Variants in DLGAP2 observed in about 807,000 individuals in gnomAD.
DLGAP2 encodes the protein DLG associated protein 2, also known as disks large-associated protein 2.
In DLGAP2, 26 loss-of-function variants were observed where a neutral mutation model predicts 100.3. That is an observed-to-expected ratio of 0.26 (90% CI 0.19 to 0.36). The LOEUF (loss-of-function observed/expected upper bound fraction) is 0.36, where lower values mean the gene tolerates loss of function less well. Ranked by LOEUF, DLGAP2 falls within the 10% of genes least tolerant of loss-of-function variation. The pLI is 1.00. For missense variants in DLGAP2, 1,858 were observed against 1,453.2 expected (o/e 1.28, Z -4.53); for synonymous variants, 886 against 630.1 (o/e 1.41, Z -6.08).
At chr8:894,654 G>A (rs13267001) in intron 1 of DLGAP2, among the ~76,000 whole-genome samples, 11,873 of 114,006 alleles carry the variant, frequency 0.1, 174 homozygotes, top group Non-Finnish European at 0.17. Flanking sequence ...GTGGAGTGGC[G>A]GCTGGCAGGG....
At chr8:1,355,208 C>T (rs1027123955) in intron 3 of DLGAP2, among the ~76,000 whole-genome samples, 3 of 152,250 alleles carry the variant, frequency 2.0e-5, no homozygotes, top group South Asian at 2.1e-4. Flanking sequence ...GTGGCACCCG[C>T]GTGCTGGCGT....
intron 1 of DLGAP2, among the ~76,000 whole-genome samples, chr8:867,680 C>A (rs1013905445): frequency 6.6e-6 from 1 of 152,174 alleles, no homozygotes; most frequent in African/African-American, 2.4e-5. Flanking sequence ...TAATGTGAGA[C>A]ATTGCTGTCA....
At chr8:1,677,529 A>G (rs1267499205) in intron 11 of DLGAP2, among the ~76,000 whole-genome samples, 1 of 152,172 alleles carries the variant, frequency 6.6e-6, no homozygotes, top group Non-Finnish European at 1.5e-5. Flanking sequence ...AGAGACACAC[A>G]CACACCACAC....
intron 3 of DLGAP2, among the ~76,000 whole-genome samples, chr8:1,421,082 A>C (rs1405102293): frequency 6.6e-6 from 1 of 152,220 alleles, no homozygotes; most frequent in East Asian, 1.9e-4. Context: ...CAATCTCTCC[A>C]ACAAGTCACT....
chr8:1,344,198 G>GTGGGTCCATGTATTCA (rs1563095215), intron 3 of DLGAP2, among the ~76,000 whole-genome samples: 3 of 119,620 alleles, frequency 2.5e-5, no homozygotes, highest in African/African-American at 3.0e-5. Context: ...CCGTGTACTC[G>GTGGGTCCATGTATTCA]GGGCCCTGTC....
At chr8:1,689,461 C>T (rs143024568) in intron 12 of DLGAP2, among the ~76,000 whole-genome samples, 1,655 of 152,342 alleles carry the variant, frequency 0.011, 14 homozygotes, top group Middle Eastern at 0.024. Flanking sequence ...GGCAAATCTC[C>T]AGGATAAATG....
intron 4 of DLGAP2, 32 bp from the exon 5 acceptor site, chr8:1,548,594 G>C: frequency 1.4e-6 from 2 of 1,454,442 alleles, no homozygotes; most frequent in Non-Finnish European, 1.8e-6. Context: ...CCGCGCTTCC[G>C]GGTGTTCAAT....
At chr8:979,564 G>A (rs922038697) in intron 2 of DLGAP2, among the ~76,000 whole-genome samples, 11 of 152,344 alleles carry the variant, frequency 7.2e-5, no homozygotes, top group African/African-American at 1.9e-4. Flanking sequence ...GTGTGGGCAG[G>A]TTTTGCACCT....
intron 2 of DLGAP2, among the ~76,000 whole-genome samples, chr8:1,161,613 G>A (rs768039903): frequency 4.6e-5 from 7 of 152,296 alleles, no homozygotes; most frequent in Non-Finnish European, 7.4e-5. Context: ...GATGAGACTC[G>A]GCCCTGGAGT....
At chr8:946,951 C>T (rs1001320718) in intron 2 of DLGAP2, among the ~76,000 whole-genome samples, 6 of 152,154 alleles carry the variant, frequency 3.9e-5, no homozygotes, top group East Asian at 1.9e-4. Flanking sequence ...GGTTGCGCAC[C>T]GGGCGAGGGC....
chr8:1,102,874 G>A (rs565118801), intron 2 of DLGAP2, among the ~76,000 whole-genome samples: 51 of 152,072 alleles, frequency 3.4e-4, no homozygotes, highest in African/African-American at 1.2e-3. Flanking sequence ...AGTCTCTGGG[G>A]TCTCTGGTTT....
chr8:1,647,840 G>A (rs925548231), intron 8 of DLGAP2, among the ~76,000 whole-genome samples: 7 of 152,162 alleles, frequency 4.6e-5, no homozygotes, highest in African/African-American at 1.7e-4. Flanking sequence ...TCTGGGGTCA[G>A]GGTGTCCAGT....
intron 2 of DLGAP2, among the ~76,000 whole-genome samples, chr8:956,736 C>G (rs796286841): frequency 1.1e-4 from 17 of 152,330 alleles, no homozygotes; most frequent in African/African-American, 3.1e-4. Flanking sequence ...AAGGGAAGCC[C>G]TCTCCAATCT....
intron 6 of DLGAP2, among the ~76,000 whole-genome samples, chr8:1,588,995 C>G (rs1275173593): frequency 6.6e-6 from 1 of 152,134 alleles, no homozygotes; most frequent in African/African-American, 2.4e-5. Flanking sequence ...CACACCTTCA[C>G]ATTCAGGTAT....
intron 3 of DLGAP2, among the ~76,000 whole-genome samples, chr8:1,475,361 T>C (rs1265450038): frequency 6.6e-6 from 1 of 152,096 alleles, no homozygotes; most frequent in Non-Finnish European, 1.5e-5. Flanking sequence ...TAGCTGTAAC[T>C]CTAACAGCAT....
At chr8:1,456,167 T>C (rs889968914) in intron 3 of DLGAP2, among the ~76,000 whole-genome samples, 1 of 152,140 alleles carries the variant, frequency 6.6e-6, no homozygotes, top group Admixed American at 6.6e-5. Context: ...GCCACCTCTT[T>C]CCTAAGAAAG....
At chr8:1,139,330 T>A (rs530162701) in intron 2 of DLGAP2, among the ~76,000 whole-genome samples, 1 of 152,322 alleles carries the variant, frequency 6.6e-6, no homozygotes, top group South Asian at 2.1e-4. Context: ...AGGGATGCAA[T>A]ACCATAGGCT....
intron 2 of DLGAP2, among the ~76,000 whole-genome samples, chr8:1,064,228 T>C (rs1803175692): frequency 1.3e-5 from 2 of 152,314 alleles, no homozygotes; most frequent in South Asian, 4.1e-4. Context: ...GTAATGAATA[T>C]TGCTTTTTTA....
chr8:1,026,893 C>G (rs1801816528), intron 2 of DLGAP2, among the ~76,000 whole-genome samples: 1 of 152,184 alleles, frequency 6.6e-6, no homozygotes, highest in African/African-American at 2.4e-5. Flanking sequence ...CTTTGAAGTT[C>G]TAAAGGTTAT....
Sources: gnomAD v4.1 joint callset for allele counts (sites outside exome capture counted in the v4.1 genomes callset) on GRCh38, gnomAD v4.1.1 for gene constraint, MANE v1.5 for transcripts, NCBI Gene and HGNC (gene_info 2026-07-23, HGNC 2026-07-21) for gene names.